The following SUMF1 variants were observed in gnomAD, a reference collection of about 807,000 sequenced individuals.
The protein encoded by SUMF1 is sulfatase modifying factor 1, also known as formylglycine-generating enzyme.
Under a neutral mutation model 47.6 loss-of-function variants are expected in SUMF1, and 48 were observed. The observed-to-expected ratio is 1.01, with a 90% confidence interval of 0.80 to 1.28. The LOEUF is 1.28. Among genes scored for constraint, SUMF1 ranks in the 50% most tolerant of loss-of-function variants. SUMF1 has a pLI of 0.00. For missense variants in SUMF1, 571 were observed against 485.4 expected (o/e 1.18, Z -1.66); for synonymous variants, 230 against 192.1 (o/e 1.20, Z -1.63).
In SUMF1 at chr3:4,151,556, TACACACACACAC is replaced by T. The variant is rs35911373; in HGVS notation, c.1015-82823_1015-82812del. 8.0e-5 allele frequency among the ~76,000 whole-genome samples: 11 copies of T among 137,274 alleles called. 2 individuals carry two copies. Among genetic ancestry groups the T allele is most frequent in the Admixed American group, 7.2e-5 (1 of 13,818 alleles). The allele number at this position is 137,274 out of a possible 152,430, so 90.1% of individuals were successfully genotyped here. ...ATGTGTATATATATGTGTGTGTATA[TACACACACACAC>T]ACACACACACACACACACACATGCA... On this transcript the variant is annotated intron_variant and NMD_transcript_variant, in intron 8 of 12. Transcript: ENST00000448413.
At chr3:4,383,788 G>C (rs1575158557) in intron 7 of SUMF1, among the ~76,000 whole-genome samples, 1 of 152,206 alleles carries the variant, frequency 6.6e-6, no homozygotes, top group African/African-American at 2.4e-5. Context: ...TGCCTGCTGT[G>C]CTGTGACTAG....
At chr3:4,188,002 T>C (rs1553607278) in intron 8 of SUMF1, among the ~76,000 whole-genome samples, 1 of 152,118 alleles carries the variant, frequency 6.6e-6, no homozygotes, top group Non-Finnish European at 1.5e-5. Flanking sequence ...AGAGCACTTT[T>C]GGGTTCACAG....
At chr3:4,120,007 C>T (rs550306499) in intron 8 of SUMF1, among the ~76,000 whole-genome samples, 2 of 152,228 alleles carry the variant, frequency 1.3e-5, no homozygotes, top group South Asian at 4.2e-4. Flanking sequence ...AAACAGCAGA[C>T]CCTCCTGATT....
Position 4,467,254 on chromosome 3 carries a change from G to T in SUMF1, c.-9C>A. ...AGTGCGGGCGCAGCCATGTTGTCCCGCGGGCCATGTGACCCGGTTGGTCAC... is the reference window on the plus strand; with the variant it reads ...AGTGCGGGCGCAGCCATGTTGTCCCTCGGGCCATGTGACCCGGTTGGTCAC... On this transcript the variant is annotated 5_prime_UTR_variant, in exon 1 of 9. Transcript: ENST00000272902. 1 of 1,605,820 alleles carries T rather than the reference G, an allele frequency of 6.2e-7. No homozygotes were observed. Among genetic ancestry groups the T allele is most frequent in the African/African-American group, 1.3e-5 (1 of 74,862 alleles).
chr3:4,087,391 C>T (rs906333009), intron 8 of SUMF1, among the ~76,000 whole-genome samples: 1 of 152,100 alleles, frequency 6.6e-6, no homozygotes, highest in African/African-American at 2.4e-5. Flanking sequence ...TCCCATCTTG[C>T]AGGTGGAGTG....
At chr3:4,461,152 T>C (rs1445317368) in intron 1 of SUMF1, among the ~76,000 whole-genome samples, 3 of 152,142 alleles carry the variant, frequency 2.0e-5, no homozygotes, top group Admixed American at 2.0e-4. Context: ...ATTATAAAAA[T>C]GCTATTTAAT....
chr3:4,143,681 C>T (rs951119356), intron 8 of SUMF1, among the ~76,000 whole-genome samples: 2 of 152,098 alleles, frequency 1.3e-5, no homozygotes, highest in African/African-American at 4.8e-5. Context: ...TTATTTATCT[C>T]TTTCATTCTT....
chr3:4,067,755 C>G (rs866832529), intron 9 of SUMF1, among the ~76,000 whole-genome samples: 1 of 152,116 alleles, frequency 6.6e-6, no homozygotes, highest in Non-Finnish European at 1.5e-5. Context: ...CCTGCAGGTG[C>G]CCAGCCCTAC....
intron 8 of SUMF1, among the ~76,000 whole-genome samples, chr3:4,083,088 G>A (rs1692600988): frequency 6.6e-6 from 1 of 152,120 alleles, no homozygotes; most frequent in East Asian, 1.9e-4. Context: ...CTAGATCAAA[G>A]TGCACCCCGT....
chr3:4,038,628 G>A (rs1694848210), intron 9 of SUMF1, among the ~76,000 whole-genome samples: 2 of 152,292 alleles, frequency 1.3e-5, no homozygotes, highest in South Asian at 4.1e-4. Flanking sequence ...GGCTCACTGG[G>A]AAGAGAGACT....
At chr3:4,077,743 C>G (rs533603324) in intron 8 of SUMF1, among the ~76,000 whole-genome samples, 3 of 152,090 alleles carry the variant, frequency 2.0e-5, no homozygotes, top group African/African-American at 7.2e-5. Flanking sequence ...CAACATGGCA[C>G]ATGTACACAT....
intron 8 of SUMF1, among the ~76,000 whole-genome samples, chr3:4,341,784 G>C (rs565390076): frequency 6.6e-6 from 1 of 152,104 alleles, no homozygotes; most frequent in Non-Finnish European, 1.5e-5. Context: ...GGCTTTTGTA[G>C]CTATTAGACT....
At chr3:4,133,450 T>C (rs981403552) in intron 8 of SUMF1, among the ~76,000 whole-genome samples, 1 of 152,116 alleles carries the variant, frequency 6.6e-6, no homozygotes, top group African/African-American at 2.4e-5. Context: ...CTTGACTGGA[T>C]TGAAGGATAC....
intron 8 of SUMF1, among the ~76,000 whole-genome samples, chr3:4,116,864 C>T (rs1157129935): frequency 6.6e-6 from 1 of 152,092 alleles, no homozygotes; most frequent in Non-Finnish European, 1.5e-5. Flanking sequence ...CCAAATCTGT[C>T]ACCACTTGGA....
intron 8 of SUMF1, among the ~76,000 whole-genome samples, chr3:4,211,199 C>CAT (rs3046224): frequency 0.035 from 2,942 of 84,774 alleles, 195 homozygotes; most frequent in African/African-American, 0.12. Context: ...CATATACATA[C>CAT]ATACATATAT....
intron 8 of SUMF1, among the ~76,000 whole-genome samples, chr3:4,168,086 C>T (rs1244946778): frequency 1.3e-5 from 2 of 152,120 alleles, no homozygotes; most frequent in Non-Finnish European, 2.9e-5. Context: ...CAATACAGAG[C>T]CTCTATTTTC....
intron 2 of SUMF1, among the ~76,000 whole-genome samples, chr3:4,450,616 T>C (rs941829909): frequency 6.6e-6 from 1 of 152,164 alleles, no homozygotes; most frequent in Admixed American, 6.5e-5. Flanking sequence ...CCCCTATCCT[T>C]ATTGTGCTTA....
intron 7 of SUMF1, among the ~76,000 whole-genome samples, chr3:4,397,375 T>C (rs1217909584): frequency 6.6e-6 from 1 of 152,162 alleles, no homozygotes; most frequent in Non-Finnish European, 1.5e-5. Context: ...AAACTGTCAG[T>C]CCTGAGTGCA....
At chr3:4,150,041 A>G (rs1467365107) in intron 8 of SUMF1, among the ~76,000 whole-genome samples, 1 of 152,184 alleles carries the variant, frequency 6.6e-6, no homozygotes, top group East Asian at 1.9e-4. Flanking sequence ...TTCTGCTGCT[A>G]AACAAATATC....
Sources: gnomAD v4.1 joint callset for allele counts (sites outside exome capture counted in the v4.1 genomes callset) on GRCh38, gnomAD v4.1.1 for gene constraint, MANE v1.5 for transcripts, NCBI Gene and HGNC (gene_info 2026-07-23, HGNC 2026-07-21) for gene names.